KCNH7: variants seen among roughly 807,000 people sequenced by gnomAD.
KCNH7 encodes the protein potassium voltage-gated channel subfamily H member 7.
KCNH7 carries 49 observed loss-of-function variants against 120.8 expected under a neutral mutation model. The ratio of observed to expected loss-of-function variants is 0.41; its 90% CI spans 0.32 to 0.51. The LOEUF (loss-of-function observed/expected upper bound fraction) is 0.51, where lower values mean the gene tolerates loss of function less well. Ranked by LOEUF, KCNH7 falls within the 20% of genes least tolerant of loss-of-function variation. The pLI is 0.38. For missense variants in KCNH7, 1,097 were observed against 1,446.6 expected (o/e 0.76, Z 3.92); for synonymous variants, 547 against 516.1 (o/e 1.06, Z -0.81).
chr2:162,836,860 AATG>A, intron 1 of KCNH7, 93 bp from the exon 2 acceptor site: 1 of 825,832 alleles, frequency 1.2e-6, no homozygotes, highest in African/African-American at 1.7e-5. Context: ...AGAGCTCTGA[AATG>A]CAGGTGCCTC....
chr2:162,556,541 G>T (rs60640203), intron 2 of KCNH7, among the ~76,000 whole-genome samples: 7,227 of 152,136 alleles, frequency 0.048, 337 homozygotes, highest in East Asian at 0.11. Flanking sequence ...GGGACAAAAA[G>T]ATTCCCCAAA....
In KCNH7 at chr2:162,606,607, T is replaced by A. The variant is rs146246964; in HGVS notation, c.308-69527A>T. Among the ~76,000 whole-genome samples, 400 of 152,284 alleles carry A rather than the reference T, an allele frequency of 2.6e-3. 4 individuals carry two copies. The highest frequency in any genetic ancestry group is 9.0e-3 in the African/African-American group (373 of 41,562). On this transcript the variant is annotated intron_variant, in intron 2 of 15. Coordinates refer to ENST00000332142, the MANE Select transcript of KCNH7 (RefSeq NM_033272.4). ...AAATGGCTTATAAATGTGAAAATCC[T>A]TCCACCTCGCTATGTATCATATAAA...
intron 6 of KCNH7, among the ~76,000 whole-genome samples, chr2:162,483,878 G>A (rs1240689927): frequency 6.6e-6 from 1 of 152,064 alleles, no homozygotes; most frequent in Non-Finnish European, 1.5e-5. Context: ...AGACTAGGAG[G>A]AGTCAGGCTA....
chr2:162,725,640 GTTTTA>G (rs1687486273), intron 2 of KCNH7, among the ~76,000 whole-genome samples: 1 of 152,066 alleles, frequency 6.6e-6, no homozygotes, highest in Non-Finnish European at 1.5e-5. Context: ...GCAAGCTTTT[GTTTTA>G]TTTTGTTTTG....
intron 2 of KCNH7, among the ~76,000 whole-genome samples, chr2:162,724,108 T>C (rs1327919474): frequency 6.6e-6 from 1 of 152,180 alleles, no homozygotes; most frequent in Non-Finnish European, 1.5e-5. Flanking sequence ...TTTAGAATGA[T>C]AGTTAATTTT....
At chr2:162,660,038 A>T (rs1684905588) in intron 2 of KCNH7, among the ~76,000 whole-genome samples, 1 of 152,116 alleles carries the variant, frequency 6.6e-6, no homozygotes, top group African/African-American at 2.4e-5. Flanking sequence ...GCCTGCCTAG[A>T]GGGTTATCAA....
intron 6 of KCNH7, among the ~76,000 whole-genome samples, chr2:162,481,476 T>C (rs879011558): frequency 6.6e-6 from 1 of 152,170 alleles, no homozygotes; most frequent in Admixed American, 6.6e-5. Context: ...TGGAAGCTAA[T>C]GGAATAAGAG....
chr2:162,770,025 A>C (rs954762514), intron 2 of KCNH7, among the ~76,000 whole-genome samples: 3 of 152,192 alleles, frequency 2.0e-5, no homozygotes, highest in East Asian at 1.9e-4. Flanking sequence ...TCCAACTAGG[A>C]GCTTTTAAAC....
rs1165314973 is a variant in KCNH7 at position 162,662,347 on chromosome 2, T to C, written c.308-125267A>G. ...CCATGTAGTATTGATGACAGTAAAA[T>C]GCATTCATTTAACACACTACTTACA... On this transcript the variant is annotated intron_variant, in intron 2 of 15. Transcript: ENST00000332142. 2.0e-5 allele frequency among the ~76,000 whole-genome samples: 3 copies of C among 152,344 alleles called. No individual in the cohort carries two copies. The East Asian group carries it at 5.8e-4, about 29-fold the overall frequency.
chr2:162,466,558 G>A (rs1413071787), intron 6 of KCNH7, among the ~76,000 whole-genome samples: 2 of 152,232 alleles, frequency 1.3e-5, no homozygotes, highest in Admixed American at 6.5e-5. Flanking sequence ...GATTTGGGTG[G>A]GAACACAACC....
rs573562870 is a variant in KCNH7 at position 162,371,891 on chromosome 2, T to G, written c.3529A>C (p.Ser1177Arg). 1 of 1,613,766 alleles carries G rather than the reference T, an allele frequency of 6.2e-7. No homozygotes were observed. The highest frequency in any genetic ancestry group is 1.3e-5 in the African/African-American group (1 of 75,034). Residue 1177 changes from serine to arginine, a missense_variant, in exon 16 of 16, where the codon AGC becomes CGC. Physicochemically the swap from Ser to Arg is moderately radical, Grantham distance 110. Transcript: ENST00000332142. ...TGAAGACCCACGATTCCTACAGTGCTTAGGGATGAATCTGGCAAAGAAGGA... is the reference window on the plus strand; with the variant it reads ...TGAAGACCCACGATTCCTACAGTGCGTAGGGATGAATCTGGCAAAGAAGGA... The part of the protein sequence containing the change: ...RHPSLPDSSL[S>R]TVGIVGLHRH...
At chr2:162,448,357 T>C (rs1023691389) in intron 6 of KCNH7, among the ~76,000 whole-genome samples, 1 of 152,108 alleles carries the variant, frequency 6.6e-6, no homozygotes, top group Admixed American at 6.6e-5. Flanking sequence ...CAGCTTTATT[T>C]TGGCTTTCAA....
intron 2 of KCNH7, among the ~76,000 whole-genome samples, chr2:162,634,241 A>C (rs192805072): frequency 6.6e-6 from 1 of 152,164 alleles, no homozygotes; most frequent in Non-Finnish European, 1.5e-5. Context: ...AATACTATTA[A>C]ATACCAGTCT....
chr2:162,648,377 GC>G (rs1167540389), intron 2 of KCNH7, among the ~76,000 whole-genome samples: 1 of 152,082 alleles, frequency 6.6e-6, no homozygotes, highest in Non-Finnish European at 1.5e-5. Flanking sequence ...GGGGAAGTCC[GC>G]CCCCATGATT....
At chr2:162,372,391 G>A (rs1025353531) in intron 15 of KCNH7, among the ~76,000 whole-genome samples, 7 of 151,946 alleles carry the variant, frequency 4.6e-5, no homozygotes, top group South Asian at 4.2e-4. Context: ...AATTAAATTC[G>A]AAATTTAAGA....
At chr2:162,374,340 CA>C (rs1686084761) in intron 14 of KCNH7, among the ~76,000 whole-genome samples, 1 of 152,112 alleles carries the variant, frequency 6.6e-6, no homozygotes, top group South Asian at 2.1e-4. Flanking sequence ...CTAAAGCTCA[CA>C]AGTAGCCAAC....
intron 2 of KCNH7, among the ~76,000 whole-genome samples, chr2:162,699,262 T>C (rs1686405371): frequency 6.6e-6 from 1 of 152,130 alleles, no homozygotes; most frequent in African/African-American, 2.4e-5. Context: ...CCACCACATA[T>C]AAGTGAGATC....
intron 2 of KCNH7, among the ~76,000 whole-genome samples, chr2:162,685,683 T>A (rs1217548458): frequency 2.0e-5 from 3 of 151,072 alleles, no homozygotes; most frequent in Non-Finnish European, 4.4e-5. Flanking sequence ...GTGATGGAAG[T>A]GCCTGGTGTG....
chr2:162,826,705 T>C (rs1459530381), intron 2 of KCNH7, among the ~76,000 whole-genome samples: 1 of 152,130 alleles, frequency 6.6e-6, no homozygotes, highest in Non-Finnish European at 1.5e-5. Flanking sequence ...AATGGGTGTA[T>C]TGCTGGGTTC....
Sources: gnomAD v4.1 joint callset for allele counts (sites outside exome capture counted in the v4.1 genomes callset) on GRCh38, gnomAD v4.1.1 for gene constraint, MANE v1.5 for transcripts, NCBI Gene and HGNC (gene_info 2026-07-23, HGNC 2026-07-21) for gene names.